The following CCDC102B variants were observed in gnomAD, a reference collection of about 807,000 sequenced individuals.
The protein encoded by CCDC102B is coiled-coil domain-containing protein 102B.
Under a neutral mutation model 57.4 loss-of-function variants are expected in CCDC102B, and 75 were observed. The observed-to-expected ratio is 1.31, with a 90% CI of 1.08 to 1.58. The LOEUF is 1.58. Ranked by LOEUF, CCDC102B falls within the 40% of genes most tolerant of loss-of-function variation. The pLI is 0.00. For synonymous variants in CCDC102B, 206 were observed against 201.9 expected, an observed-to-expected ratio of 1.02 and a Z score of -0.17; for missense variants, 636 against 582.6, an observed-to-expected ratio of 1.09 and a Z score of -0.94.
chr18:69,009,413 A>G (rs2051438903), intron 6 of CCDC102B, among the ~76,000 whole-genome samples: 1 of 152,122 alleles, frequency 6.6e-6, no homozygotes, highest in Admixed American at 6.5e-5. Context: ...CCTGGTCACC[A>G]CTACAATTTT....
At chr18:68,869,985 T>C (rs926929782) in intron 4 of CCDC102B, among the ~76,000 whole-genome samples, 3 of 152,226 alleles carry the variant, frequency 2.0e-5, no homozygotes, top group Admixed American at 2.0e-4. Flanking sequence ...AGGAAATCCT[T>C]TCCCAATTGC....
In CCDC102B at chr18:69,051,830, A is replaced by G. The variant is rs181414170; in HGVS notation, c.1435-2200A>G. Among the ~76,000 whole-genome samples, 462 of 152,110 alleles carry G rather than the reference A, an allele frequency of 3.0e-3. 1 individual carries two copies. The highest frequency in any genetic ancestry group is 4.4e-3 in the Non-Finnish European group (297 of 67,930). On this transcript the variant is annotated intron_variant, in intron 7 of 7. Transcript: ENST00000360242. ...TATGTACCTTTCAAAATGTGTTTGTATAGGAAAAAAATAAAATTGGGTTTC... is the reference window on the plus strand; with the variant it reads ...TATGTACCTTTCAAAATGTGTTTGTGTAGGAAAAAAATAAAATTGGGTTTC...
intron 1 of CCDC102B, among the ~76,000 whole-genome samples, chr18:68,804,171 G>T (rs896419246): frequency 9.9e-5 from 15 of 152,192 alleles, no homozygotes; most frequent in Non-Finnish European, 1.9e-4. Flanking sequence ...ACAATGATGT[G>T]CAATGAAGAG....
At chr18:69,052,118 T>C (rs967385773) in intron 7 of CCDC102B, among the ~76,000 whole-genome samples, 17 of 151,738 alleles carry the variant, frequency 1.1e-4, no homozygotes, top group Admixed American at 7.2e-4. Flanking sequence ...AGGAATAGTA[T>C]GAACATTATA....
intron 6 of CCDC102B, among the ~76,000 whole-genome samples, chr18:68,916,517 G>A (rs777270709): frequency 6.6e-6 from 1 of 152,136 alleles, no homozygotes; most frequent in Non-Finnish European, 1.5e-5. Context: ...CTAATCTGCA[G>A]CTCTAGCTTC....
At chr18:69,006,578 C>A (rs2051351971) in intron 6 of CCDC102B, among the ~76,000 whole-genome samples, 1 of 146,606 alleles carries the variant, frequency 6.8e-6, no homozygotes, top group Non-Finnish European at 1.5e-5. Flanking sequence ...CATGCCACCA[C>A]ACAGGGCTTT....
chr18:68,882,866 C>A (rs1437531346), intron 5 of CCDC102B, among the ~76,000 whole-genome samples: 1 of 152,100 alleles, frequency 6.6e-6, no homozygotes, highest in East Asian at 1.9e-4. Flanking sequence ...AGGCCATTAT[C>A]CTTAGCAAAC....
At chr18:68,802,303 G>A (rs1221911153) in intron 1 of CCDC102B, among the ~76,000 whole-genome samples, 1 of 152,062 alleles carries the variant, frequency 6.6e-6, no homozygotes, top group Admixed American at 6.6e-5. Flanking sequence ...TTTTGATACT[G>A]CCCAGGCTTC....
intron 6 of CCDC102B, among the ~76,000 whole-genome samples, chr18:69,005,782 A>C (rs1218350133): frequency 6.6e-6 from 1 of 151,512 alleles, no homozygotes; most frequent in Non-Finnish European, 1.5e-5. Flanking sequence ...TTGAGAAACT[A>C]ATACTGTATT....
intron 7 of CCDC102B, among the ~76,000 whole-genome samples, chr18:69,032,990 GCAATGT>G (rs1431533238): frequency 6.6e-6 from 1 of 152,076 alleles, no homozygotes; most frequent in Non-Finnish European, 1.5e-5. Context: ...ACATTGTAAA[GCAATGT>G]CAATTCTTGT....
In CCDC102B at chr18:68,761,934, C is replaced by T. The variant is rs529071176; in HGVS notation, c.-67+45340C>T. 2.0e-5 allele frequency among the ~76,000 whole-genome samples: 3 copies of T among 151,342 alleles called. No individual in the cohort carries two copies. The South Asian group carries it at 6.3e-4, about 32-fold the overall frequency. On this transcript the variant is annotated intron_variant, in intron 2 of 3. Transcript: ENST00000578970. The stretch of plus-strand genomic sequence containing the variant: ...ACTGAACTTGTATATTTATCTGTTT[C>T]TCTTCTTCATTTTAAAAATCTTGGC...
At chr18:68,943,161 A>C (rs1245108045) in intron 6 of CCDC102B, among the ~76,000 whole-genome samples, 3 of 151,446 alleles carry the variant, frequency 2.0e-5, no homozygotes, top group Non-Finnish European at 4.4e-5. Flanking sequence ...TTAGTACAGA[A>C]CAAAATGGAG....
intron 4 of CCDC102B, among the ~76,000 whole-genome samples, chr18:68,860,486 A>AAG (rs2038699439): frequency 7.5e-6 from 1 of 132,486 alleles, no homozygotes; most frequent in Non-Finnish European, 1.7e-5. Context: ...AAAAAAAAAA[A>AAG]AAGACACTAC....
Position 68,895,395 on chromosome 18 carries a change from A to G in CCDC102B, c.1054-1824A>G, listed in dbSNP as rs141815446. The stretch of plus-strand genomic sequence containing the variant: ...GAAAAAGCAGTTTTTAGGCTTTTAT[A>G]TCATAATTTATTATGATACTATAAA... On this transcript the variant is annotated intron_variant, in intron 5 of 7. Transcript: ENST00000360242. Among the ~76,000 whole-genome samples, 426 of 151,914 alleles carry G rather than the reference A, an allele frequency of 2.8e-3. 3 individuals carry two copies. Among genetic ancestry groups the G allele is most frequent in the Middle Eastern group, 0.01 (3 of 294 alleles).
At chr18:68,975,089 TG>T (rs1452668192) in intron 6 of CCDC102B, among the ~76,000 whole-genome samples, 1 of 151,978 alleles carries the variant, frequency 6.6e-6, no homozygotes, top group African/African-American at 2.4e-5. Context: ...ATGTAAAACC[TG>T]CCCACGTGGA....
intron 6 of CCDC102B, among the ~76,000 whole-genome samples, chr18:68,904,453 C>T (rs954031574): frequency 1.3e-5 from 2 of 152,090 alleles, no homozygotes; most frequent in African/African-American, 2.4e-5. Context: ...ATTTTGTGTA[C>T]ATTTTAAAGT....
chr18:68,911,747 G>A (rs530080970), intron 6 of CCDC102B, among the ~76,000 whole-genome samples: 3 of 23,640 alleles, frequency 1.3e-4, no homozygotes, highest in African/African-American at 3.1e-4. Context: ...GCGAGACTCC[G>A]TCTCAAAAAA....
intron 6 of CCDC102B, among the ~76,000 whole-genome samples, chr18:68,939,215 A>T (rs1312029142): frequency 6.6e-6 from 1 of 151,854 alleles, no homozygotes; most frequent in Non-Finnish European, 1.5e-5. Context: ...TTAAGATTAT[A>T]GTTGTGAGAT....
chr18:68,841,514 A>G (rs1272733933), intron 3 of CCDC102B, among the ~76,000 whole-genome samples: 1 of 152,186 alleles, frequency 6.6e-6, no homozygotes, highest in Non-Finnish European at 1.5e-5. Flanking sequence ...TGATCCTCTT[A>G]TAGGCCTATG....
Sources: gnomAD v4.1 joint callset for allele counts (sites outside exome capture counted in the v4.1 genomes callset) on GRCh38, gnomAD v4.1.1 for gene constraint, MANE v1.5 for transcripts, NCBI Gene and HGNC (gene_info 2026-07-23, HGNC 2026-07-21) for gene names.